Variants in CNTN5 observed in about 807,000 individuals in gnomAD.
The protein encoded by CNTN5 is contactin-5.
In CNTN5, 77 loss-of-function variants were observed where a neutral mutation model predicts 129.1. The ratio of observed to expected loss-of-function variants is 0.60; its 90% CI spans 0.50 to 0.72. The LOEUF is 0.72. Among genes scored for constraint, CNTN5 ranks in the 30% least tolerant of loss-of-function variants. CNTN5 has a pLI of 0.00. For synonymous variants in CNTN5, 509 were observed against 465.6 expected, an observed-to-expected ratio of 1.09 and a Z score of -1.20; for missense variants, 1,478 against 1,328.8, an observed-to-expected ratio of 1.11 and a Z score of -1.75.
intron 8 of CNTN5, among the ~76,000 whole-genome samples, chr11:99,985,930 C>T (rs1938644926): frequency 6.6e-6 from 1 of 152,134 alleles, no homozygotes; most frequent in Non-Finnish European, 1.5e-5. Context: ...CCATCTTAGC[C>T]ACCCTTTCCT....
At chr11:99,998,079 C>T (rs1000751784) in intron 8 of CNTN5, among the ~76,000 whole-genome samples, 4 of 152,042 alleles carry the variant, frequency 2.6e-5, no homozygotes, top group Non-Finnish European at 4.4e-5. Context: ...GAAGCATTCC[C>T]ATTGAAAACG....
intron 3 of CNTN5, among the ~76,000 whole-genome samples, chr11:99,573,528 C>T (rs964044542): frequency 2.0e-5 from 3 of 151,906 alleles, no homozygotes; most frequent in Admixed American, 1.3e-4. Flanking sequence ...CCAGATCACG[C>T]CACTGCACTC....
intron 2 of CNTN5, among the ~76,000 whole-genome samples, chr11:99,408,479 A>AAAGAAAGAAAGG (rs1942230745): frequency 2.7e-5 from 4 of 145,594 alleles, no homozygotes; most frequent in South Asian, 2.3e-4. Flanking sequence ...AGAAAGAAAG[A>AAAGAAAGAAAGG]AAGAAAGAAA....
chr11:99,050,455 G>T (rs1450793851), intron 1 of CNTN5, among the ~76,000 whole-genome samples: 1 of 150,922 alleles, frequency 6.6e-6, no homozygotes, highest in African/African-American at 2.4e-5. Context: ...GTATTTGTCA[G>T]AAAAAAATTC....
At position 99,667,421 on chromosome 11, in the gene CNTN5, G is replaced by T. The variant is rs560114953; in HGVS notation, c.55+111152G>T. Among the ~76,000 whole-genome samples, 217 of 152,114 alleles carry T rather than the reference G, an allele frequency of 1.4e-3. 1 individual carries two copies. The highest frequency in any genetic ancestry group is 4.9e-3 in the African/African-American group (204 of 41,520). ...TGGAAATTGACTTTTAATACAAATT[G>T]CTTCTTTATTTTTACACCTCAATGG... On this transcript the variant is annotated intron_variant, in intron 3 of 24. Coordinates refer to ENST00000524871, the MANE Select transcript of CNTN5 (RefSeq NM_014361.4).
chr11:99,939,595 C>T (rs1387877465), intron 7 of CNTN5, among the ~76,000 whole-genome samples: 1 of 151,564 alleles, frequency 6.6e-6, no homozygotes, highest in Non-Finnish European at 1.5e-5. Flanking sequence ...TGTCCATGTG[C>T]CACTGTATCA....
intron 13 of CNTN5, among the ~76,000 whole-genome samples, chr11:100,126,148 C>T (rs1292650587): frequency 6.6e-6 from 1 of 151,960 alleles, no homozygotes; most frequent in Non-Finnish European, 1.5e-5. Context: ...CAGTTGTATT[C>T]CACTGTGACC....
chr11:99,234,639 C>T (rs1189383922), intron 1 of CNTN5, among the ~76,000 whole-genome samples: 1 of 152,006 alleles, frequency 6.6e-6, no homozygotes, highest in Non-Finnish European at 1.5e-5. Context: ...TTCATCTCCA[C>T]TACTTATGTG....
chr11:99,657,186 A>C (rs1216776174), intron 3 of CNTN5, among the ~76,000 whole-genome samples: 2 of 152,178 alleles, frequency 1.3e-5, no homozygotes, highest in African/African-American at 4.8e-5. Context: ...TACAAAAAAC[A>C]TTCCTAACCA....
intron 1 of CNTN5, among the ~76,000 whole-genome samples, chr11:99,046,236 A>G (rs11218197): frequency 0.079 from 11,969 of 152,088 alleles, 876 homozygotes; most frequent in East Asian, 0.23. Flanking sequence ...GCTACTTGGG[A>G]GGCTGATGCC....
At chr11:100,230,275 A>G (rs1159412401) in intron 16 of CNTN5, among the ~76,000 whole-genome samples, 1 of 152,198 alleles carries the variant, frequency 6.6e-6, no homozygotes, top group Non-Finnish European at 1.5e-5. Flanking sequence ...GAAATATTAG[A>G]TCACTATTAT....
At chr11:99,766,864 T>A (rs1944774119) in intron 3 of CNTN5, among the ~76,000 whole-genome samples, 1 of 152,124 alleles carries the variant, frequency 6.6e-6, no homozygotes, top group African/African-American at 2.4e-5. Flanking sequence ...GAACTGACTA[T>A]GAGCTCTTCT....
At chr11:99,530,391 G>A (rs576492678) in intron 2 of CNTN5, among the ~76,000 whole-genome samples, 1 of 152,302 alleles carries the variant, frequency 6.6e-6, no homozygotes, top group Admixed American at 6.5e-5. Context: ...TTAGGAGAAT[G>A]ATTATGATTT....
intron 9 of CNTN5, among the ~76,000 whole-genome samples, chr11:100,035,128 C>A (rs1171056132): frequency 6.6e-6 from 1 of 152,114 alleles, no homozygotes; most frequent in Non-Finnish European, 1.5e-5. Context: ...CCACTCCTCC[C>A]ACCCCACAAC....
chr11:99,408,913 A>G (rs898033265), intron 2 of CNTN5, among the ~76,000 whole-genome samples: 2 of 152,324 alleles, frequency 1.3e-5, no homozygotes, highest in East Asian at 3.9e-4. Flanking sequence ...ATCATTTTAA[A>G]TCATGTATTC....
intron 3 of CNTN5, among the ~76,000 whole-genome samples, chr11:99,573,632 A>G (rs1043942704): frequency 4.6e-5 from 7 of 151,580 alleles, no homozygotes; most frequent in Non-Finnish European, 8.8e-5. Context: ...GCTTCCAGGA[A>G]TGAATTTTTT....
chr11:99,287,882 A>C (rs568105508), intron 1 of CNTN5, among the ~76,000 whole-genome samples: 3 of 151,956 alleles, frequency 2.0e-5, no homozygotes, highest in Non-Finnish European at 4.4e-5. Flanking sequence ...GGAGAAGAGG[A>C]AAGAAGATAA....
chr11:99,142,539 G>A (rs1323775199), intron 1 of CNTN5, among the ~76,000 whole-genome samples: 1 of 152,102 alleles, frequency 6.6e-6, no homozygotes, highest in Non-Finnish European at 1.5e-5. Flanking sequence ...TTCCAAGTGA[G>A]TGTGACCAGA....
intron 1 of CNTN5, among the ~76,000 whole-genome samples, chr11:99,221,038 A>G (rs909109038): frequency 6.6e-6 from 1 of 151,922 alleles, no homozygotes; most frequent in African/African-American, 2.4e-5. Flanking sequence ...TTTGTTGGAA[A>G]TGTTCTTCTC....
Sources: gnomAD v4.1 joint callset for allele counts (sites outside exome capture counted in the v4.1 genomes callset) on GRCh38, gnomAD v4.1.1 for gene constraint, MANE v1.5 for transcripts, NCBI Gene and HGNC (gene_info 2026-07-23, HGNC 2026-07-21) for gene names.